The following SKAP2 variants were observed in gnomAD, a reference collection of about 807,000 sequenced individuals.
SKAP2 encodes src kinase associated phosphoprotein 2, also known as src kinase-associated phosphoprotein 2.
A neutral mutation model predicts 54.9 loss-of-function variants in SKAP2; 28 were observed. The ratio of observed to expected loss-of-function variants is 0.51; its 90% CI spans 0.38 to 0.70. The LOEUF (loss-of-function observed/expected upper bound fraction) is 0.70, where lower values mean the gene tolerates loss of function less well. Ranked by LOEUF, SKAP2 falls within the 30% of genes least tolerant of loss-of-function variation. SKAP2 has a pLI of 0.00. For missense variants in SKAP2, 356 were observed against 424.1 expected (o/e 0.84, Z 1.41); for synonymous variants, 137 against 134.3 (o/e 1.02, Z -0.14).
chr7:26,738,571 T>C (rs928819457), intron 6 of SKAP2, among the ~76,000 whole-genome samples: 3 of 152,212 alleles, frequency 2.0e-5, no homozygotes, highest in Non-Finnish European at 4.4e-5. Context: ...TTTTACTCTC[T>C]TTTCTAATTC....
chr7:26,743,156 T>C (rs1487560809), intron 4 of SKAP2, among the ~76,000 whole-genome samples: 1 of 152,190 alleles, frequency 6.6e-6, no homozygotes, highest in Non-Finnish European at 1.5e-5. Context: ...TTCTGGTGAA[T>C]TCACAATCAC....
chr7:26,806,394 C>A (rs1317577816), intron 4 of SKAP2, among the ~76,000 whole-genome samples: 7 of 152,012 alleles, frequency 4.6e-5, no homozygotes, highest in Admixed American at 1.3e-4. Flanking sequence ...CTCAATCAAT[C>A]AATAAATAAA....
intron 4 of SKAP2, among the ~76,000 whole-genome samples, chr7:26,755,547 A>G (rs936894151): frequency 2.0e-5 from 3 of 152,212 alleles, no homozygotes; most frequent in African/African-American, 7.2e-5. Flanking sequence ...AGGTTAATAA[A>G]CATGAAAAGA....
chr7:26,733,765 A>G (rs990160866), intron 6 of SKAP2, among the ~76,000 whole-genome samples: 11 of 152,180 alleles, frequency 7.2e-5, no homozygotes, highest in African/African-American at 2.7e-4. Context: ...TATATATTGA[A>G]AAGATATTAC....
At chr7:26,813,319 G>A (rs1381982679) in intron 4 of SKAP2, among the ~76,000 whole-genome samples, 1 of 151,928 alleles carries the variant, frequency 6.6e-6, no homozygotes, top group Non-Finnish European at 1.5e-5. Flanking sequence ...TAGCATATTG[G>A]GGTTTCCATA....
At chr7:26,784,993 T>A (rs903794895) in intron 4 of SKAP2, among the ~76,000 whole-genome samples, 8 of 152,210 alleles carry the variant, frequency 5.3e-5, no homozygotes, top group Non-Finnish European at 2.9e-5. Context: ...GTATTTTCTG[T>A]AAAATTCTTC....
chr7:26,776,498 G>T (rs1174647496), intron 4 of SKAP2, among the ~76,000 whole-genome samples: 1 of 151,882 alleles, frequency 6.6e-6, no homozygotes, highest in African/African-American at 2.4e-5. Context: ...CTATCTCTAT[G>T]AATGGCATCA....
At chr7:26,777,442 G>T (rs777890382) in intron 4 of SKAP2, among the ~76,000 whole-genome samples, 2 of 152,074 alleles carry the variant, frequency 1.3e-5, no homozygotes, top group Non-Finnish European at 2.9e-5. Flanking sequence ...ATAGTTCTTT[G>T]AATATTTGAT....
chr7:26,797,155 A>G (rs1338322508), intron 4 of SKAP2, among the ~76,000 whole-genome samples: 1 of 152,240 alleles, frequency 6.6e-6, no homozygotes, highest in Non-Finnish European at 1.5e-5. Flanking sequence ...GAAAGGACAC[A>G]GTCCTGGCTG....
At chr7:26,666,300 G>C (rs917142753), downstream of SKAP2, among the ~76,000 whole-genome samples, 4 of 152,066 alleles carry the variant, frequency 2.6e-5, no homozygotes, top group African/African-American at 9.7e-5. Context: ...ATGTATATTA[G>C]GGTTAATTTT....
At chr7:26,740,064 G>T in intron 4 of SKAP2, 100 bp from the exon 5 acceptor site, 3 of 633,908 alleles carry the variant, frequency 4.7e-6, no homozygotes, top group Non-Finnish European at 2.6e-6. Flanking sequence ...TTTAATTACT[G>T]AAATTGTTTA....
rs112439134 is a variant in SKAP2 at position 26,669,829 on chromosome 7, A to C, written c.*10-173T>G. On this transcript the variant is annotated intron_variant, in intron 12 of 12. Coordinates refer to ENST00000345317, the MANE Select transcript of SKAP2 (RefSeq NM_003930.5). ...AGTGGTATTTTACTGAAAAGGAGGA[A>C]GTTTGGGAAAACAGCTGGTTACTAT... Among the ~76,000 whole-genome samples the C allele has an allele frequency of 1.3e-3, 204 of 152,318 alleles. 1 individual carries two copies. Among genetic ancestry groups the C allele is most frequent in the African/African-American group, 3.5e-3 (147 of 41,578 alleles).
intron 6 of SKAP2, among the ~76,000 whole-genome samples, chr7:26,736,146 G>A (rs1225570535): frequency 6.6e-6 from 1 of 152,152 alleles, no homozygotes; most frequent in Admixed American, 6.6e-5. Flanking sequence ...ATAAGGCTTT[G>A]ACCTATGGGG....
At chr7:26,836,044 C>T (rs556382736) in intron 4 of SKAP2, among the ~76,000 whole-genome samples, 1 of 152,166 alleles carries the variant, frequency 6.6e-6, no homozygotes, top group African/African-American at 2.4e-5. Context: ...TGCCACACAT[C>T]TACAACCATC....
intron 4 of SKAP2, among the ~76,000 whole-genome samples, chr7:26,760,759 G>A (rs1271985692): frequency 1.3e-5 from 2 of 152,022 alleles, no homozygotes; most frequent in Admixed American, 1.3e-4. Flanking sequence ...AAATTTAGGT[G>A]GAATATCAAC....
chr7:26,684,606 C>A, intron 11 of SKAP2, 130 bp downstream of exon 11: 1 of 602,780 alleles, frequency 1.7e-6, no homozygotes, highest in Non-Finnish European at 3.0e-6. Flanking sequence ...TTATTGTGAA[C>A]TCCCAATTGT....
intron 9 of SKAP2, among the ~76,000 whole-genome samples, chr7:26,725,220 G>A (rs115048097): frequency 2.0e-5 from 3 of 151,938 alleles, no homozygotes; most frequent in African/African-American, 7.3e-5. Context: ...TTCACTTTTC[G>A]TAAGTTACAT....
At chr7:26,836,543 C>A (rs1470256878) in intron 4 of SKAP2, among the ~76,000 whole-genome samples, 1 of 152,184 alleles carries the variant, frequency 6.6e-6, no homozygotes, top group Non-Finnish European at 1.5e-5. Context: ...TGAACAGACA[C>A]TTCTCAAAAG....
At chr7:26,805,632 A>G (rs962041032) in intron 4 of SKAP2, among the ~76,000 whole-genome samples, 2 of 152,224 alleles carry the variant, frequency 1.3e-5, no homozygotes, top group Non-Finnish European at 2.9e-5. Context: ...AACAGTCAGC[A>G]CCAACTTGCA....
Sources: allele counts gnomAD v4.1 joint callset (sites outside exome capture counted in the v4.1 genomes callset), GRCh38; gene constraint gnomAD v4.1.1; transcripts MANE v1.5; gene names NCBI Gene and HGNC (gene_info 2026-07-23, HGNC 2026-07-21).